Variants in RPS6KA2 observed in about 807,000 individuals in gnomAD.
The protein encoded by RPS6KA2 is ribosomal protein S6 kinase alpha-2.
A neutral mutation model predicts 91.8 loss-of-function variants in RPS6KA2; 42 were observed. The observed-to-expected ratio is 0.46, with a 90% CI of 0.36 to 0.59. The LOEUF is 0.59. RPS6KA2 is among the 20% of genes least tolerant of loss of function. The pLI, the probability that RPS6KA2 is intolerant of heterozygous loss-of-function variation, is 0.00. For synonymous variants in RPS6KA2, 414 were observed against 393.6 expected (o/e 1.05, Z -0.61); for missense variants, 798 against 978.5 (o/e 0.82, Z 2.46).
rs1421348454 is a variant in RPS6KA2 at position 166,467,033 on chromosome 6, TCCTC to T, written c.972+2804_972+2807del. Among the ~76,000 whole-genome samples the T allele has an allele frequency of 7.2e-5, 10 of 137,964 alleles. No homozygotes were observed. In the Middle Eastern group the frequency reaches 0.014, roughly 197 times the overall value. 90.5% of individuals were successfully genotyped at this position (137,964 alleles called of 152,430 possible). On this transcript the variant is annotated intron_variant, in intron 11 of 20. Transcript: ENST00000265678. ...TCATTCATTCACTCATTCATTCACT[TCCTC>T]ACTCATTCACTCACTCATTGACTCA...
chr6:166,771,502 A>G (rs1301225281), intron 2 of RPS6KA2, among the ~76,000 whole-genome samples: 2 of 152,176 alleles, frequency 1.3e-5, no homozygotes, highest in Non-Finnish European at 2.9e-5. Flanking sequence ...GATTTTACTC[A>G]GCAACGTGGT....
intron 2 of RPS6KA2, among the ~76,000 whole-genome samples, chr6:166,832,037 G>GATAGATAC (rs1780199718): frequency 1.9e-5 from 1 of 53,092 alleles, no homozygotes; most frequent in Non-Finnish European, 3.5e-5. Context: ...GATGATACAT[G>GATAGATAC]ATAGATAGAT....
Position 166,767,414 on chromosome 6 carries a change from G to A in RPS6KA2, c.123+90786C>T, listed in dbSNP as rs866446567. 2.0e-5 allele frequency among the ~76,000 whole-genome samples: 3 copies of A among 151,992 alleles called. No homozygotes were observed. Among genetic ancestry groups the A allele is most frequent in the Non-Finnish European group, 4.4e-5 (3 of 67,930 alleles). ...CTCCAGATCAATGCGGTCCAGAGGT[G>A]AAAGCGTGGTTAGAGGAAGACAAAA... is the stretch of plus-strand genomic sequence containing the variant. On this transcript the variant is annotated intron_variant, in intron 2 of 21. Transcript: ENST00000503859. This position sits in a 1 kb window ranked among gnomAD's most constrained non-coding sequence, Gnocchi z 4.6.
intron 2 of RPS6KA2, among the ~76,000 whole-genome samples, chr6:166,775,337 A>G: frequency 6.6e-6 from 1 of 150,844 alleles, no homozygotes; most frequent in South Asian, 2.1e-4. Context: ...AGTGCCCAAA[A>G]GTTTCCCTCG....
intron 2 of RPS6KA2, among the ~76,000 whole-genome samples, chr6:166,796,534 A>G (rs1779228352): frequency 6.6e-6 from 1 of 151,514 alleles, no homozygotes; most frequent in African/African-American, 2.4e-5. Context: ...GGTTGCAGTG[A>G]GCAGCGATGG....
At chr6:166,774,221 T>A (rs949015925) in intron 2 of RPS6KA2, among the ~76,000 whole-genome samples, 2 of 152,140 alleles carry the variant, frequency 1.3e-5, no homozygotes, top group South Asian at 2.1e-4. Flanking sequence ...ACACAAAAGG[T>A]GTTCCGTGTG....
chr6:166,418,805 C>T lies in RPS6KA2; in HGVS notation c.1821-463G>A, dbSNP rs947648216. On this transcript the variant is annotated intron_variant, in intron 18 of 20. Transcript: ENST00000265678. The surrounding 1 kb of genome is among the most constrained non-coding windows in gnomAD (Gnocchi z 4.9). Reference sequence around the variant, plus strand: ...GTGTATGCACAAATACACATACATGCTTGGTGCAGCTCTGGCCATATTCCA... The same window carrying T: ...GTGTATGCACAAATACACATACATGTTTGGTGCAGCTCTGGCCATATTCCA... Among the ~76,000 whole-genome samples, 1 of 152,256 alleles carries T rather than the reference C, an allele frequency of 6.6e-6. No homozygotes were observed. Among genetic ancestry groups the T allele is most frequent in the Non-Finnish European group, 1.5e-5 (1 of 68,042 alleles).
At chr6:166,752,777 C>T (rs931074905) in intron 2 of RPS6KA2, among the ~76,000 whole-genome samples, 1 of 152,212 alleles carries the variant, frequency 6.6e-6, no homozygotes, top group African/African-American at 2.4e-5. Flanking sequence ...CTCCCCCTGA[C>T]TCTCCCCATA....
chr6:166,721,116 C>G (rs1032296981), intron 2 of RPS6KA2, among the ~76,000 whole-genome samples: 2 of 152,174 alleles, frequency 1.3e-5, no homozygotes, highest in Admixed American at 6.5e-5. Flanking sequence ...AACAATTTCA[C>G]GAGGATCCCT....
At chr6:166,488,695 A>T (rs954903023) in intron 10 of RPS6KA2, 138 bp downstream of exon 10, 1 of 614,278 alleles carries the variant, frequency 1.6e-6, no homozygotes, top group African/African-American at 1.8e-5. Flanking sequence ...TACTATTTCA[A>T]CCTCTAGGTG....
intron 2 of RPS6KA2, among the ~76,000 whole-genome samples, chr6:166,671,437 A>G (rs1470513509): frequency 6.6e-6 from 1 of 152,058 alleles, no homozygotes; most frequent in Admixed American, 6.5e-5. Flanking sequence ...AGTCATATTC[A>G]CTACTCCTGG....
intron 2 of RPS6KA2, among the ~76,000 whole-genome samples, chr6:166,787,383 T>C (rs752873439): frequency 3.3e-5 from 5 of 152,134 alleles, no homozygotes; most frequent in Non-Finnish European, 7.4e-5. Context: ...AAAAGTATGA[T>C]TTGATATTTA....
chr6:166,783,889 G>A (rs79558271), intron 2 of RPS6KA2, among the ~76,000 whole-genome samples: 1,332 of 63,906 alleles, frequency 0.021, 217 homozygotes, highest in African/African-American at 0.12. Flanking sequence ...CACCACATAT[G>A]CACACGTGCA....
At chr6:166,522,600 C>G (rs879565053) in intron 3 of RPS6KA2, among the ~76,000 whole-genome samples, 1 of 152,228 alleles carries the variant, frequency 6.6e-6, no homozygotes, top group Admixed American at 6.5e-5. Flanking sequence ...TCGGTCTCCC[C>G]CACTGCGCGG....
chr6:166,449,364 A>G (rs1329364313), intron 13 of RPS6KA2, among the ~76,000 whole-genome samples: 2 of 147,242 alleles, frequency 1.4e-5, no homozygotes, highest in Non-Finnish European at 3.0e-5. Flanking sequence ...TCTACTTTAC[A>G]CACCTGTATT....
chr6:166,644,441 G>C (rs1285223551), intron 2 of RPS6KA2, among the ~76,000 whole-genome samples: 4 of 152,078 alleles, frequency 2.6e-5, no homozygotes, highest in Non-Finnish European at 4.4e-5. Context: ...ATGTCCTTCC[G>C]GGAACAACTG....
chr6:166,703,607 TA>T (rs566427586), intron 2 of RPS6KA2, among the ~76,000 whole-genome samples: 9 of 152,356 alleles, frequency 5.9e-5, no homozygotes, highest in African/African-American at 1.9e-4. Context: ...TCTGCATCAT[TA>T]AAAAGATCTT....
chr6:166,794,216 AAAG>A (rs1370828115), intron 2 of RPS6KA2, among the ~76,000 whole-genome samples: 1 of 144,086 alleles, frequency 6.9e-6, no homozygotes, highest in African/African-American at 2.5e-5. Context: ...ACACTTCTCA[AAAG>A]AAGACATTTA....
At chr6:166,838,547 A>G (rs1180377891) in intron 2 of RPS6KA2, among the ~76,000 whole-genome samples, 2 of 152,206 alleles carry the variant, frequency 1.3e-5, no homozygotes, top group African/African-American at 4.8e-5. Flanking sequence ...AAGTCCCCCA[A>G]TTGTCCAAAG....
Sources: gnomAD v4.1 joint callset for allele counts (sites outside exome capture counted in the v4.1 genomes callset) on GRCh38, gnomAD v4.1.1 for gene constraint, Gnocchi (gnomAD v3.1) non-coding constraint, MANE v1.5 for transcripts, NCBI Gene and HGNC (gene_info 2026-07-23, HGNC 2026-07-21) for gene names.